APIP: variants seen among roughly 807,000 people sequenced by gnomAD.
APIP encodes the protein APAF1 interacting protein.
A neutral mutation model predicts 32.0 loss-of-function variants in APIP; 32 were observed. The ratio of observed to expected loss-of-function variants is 1.00; its 90% CI spans 0.76 to 1.34. APIP has a LOEUF of 1.34. Among genes scored for constraint, APIP ranks in the 40% most tolerant of loss-of-function variants. APIP has a pLI of 0.00. For missense variants in APIP, 247 were observed against 298.6 expected (o/e 0.83, Z 1.27); for synonymous variants, 92 against 94.8 (o/e 0.97, Z 0.17).
chr11:34,913,493 C>G (rs1418760719), intron 1 of APIP, among the ~76,000 whole-genome samples: 1 of 151,852 alleles, frequency 6.6e-6, no homozygotes. Context: ...TGTTACAGCT[C>G]TTAAAGGTGG....
intron 2 of APIP, among the ~76,000 whole-genome samples, chr11:34,892,331 T>C (rs1183693363): frequency 6.6e-6 from 1 of 152,162 alleles, no homozygotes; most frequent in Non-Finnish European, 1.5e-5. Flanking sequence ...GGAATATACT[T>C]CTCTGTACTC....
At chr11:34,884,218 T>C (rs1307656767) in intron 5 of APIP, among the ~76,000 whole-genome samples, 1 of 152,210 alleles carries the variant, frequency 6.6e-6, no homozygotes, top group Non-Finnish European at 1.5e-5. Flanking sequence ...GAATTTCTCT[T>C]GTTTTGTTAA....
intron 1 of APIP, 122 bp downstream of exon 1, chr11:34,916,106 G>C: frequency 1.6e-5 from 21 of 1,334,902 alleles, no homozygotes; most frequent in Non-Finnish European, 1.9e-5. Flanking sequence ...CGAACGGCCA[G>C]GCCCGAAACC....
intron 1 of APIP, chr11:34,896,694 A>G: frequency 9.4e-7 from 1 of 1,058,474 alleles, no homozygotes; most frequent in East Asian, 5.9e-5. Context: ...TAAGTTCTGC[A>G]CACGTATCCC....
intron 1 of APIP, among the ~76,000 whole-genome samples, chr11:34,899,011 G>T (rs1853333505): frequency 6.6e-6 from 1 of 151,862 alleles, no homozygotes; most frequent in Admixed American, 6.6e-5. Context: ...GTGTTAGCCA[G>T]GATGGTCTCA....
intron 3 of APIP, 72 bp from the exon 4 acceptor site, chr11:34,888,941 T>G: frequency 1.1e-6 from 1 of 872,484 alleles, no homozygotes; most frequent in Non-Finnish European, 1.7e-6. Context: ...CCTTTTCTTG[T>G]GTACATATAC....
At position 34,882,801 on chromosome 11, in the gene APIP, G is replaced by A; in HGVS notation, c.645C>T (p.Asp215=). The part of the protein sequence containing the change: ...EKAKTMCECY[D]YLFDIAVSMK... Reference sequence around the variant, plus strand: ...TTGATACGGCAATATCAAATAAATAGTCATAACACTCACACCTGTAAAAGA... The same window carrying A: ...TTGATACGGCAATATCAAATAAATAATCATAACACTCACACCTGTAAAAGA... The change falls in exon 7 of 7, where the codon GAC becomes GAT. Residue 215 remains aspartate, a synonymous_variant. Transcript: ENST00000395787. 1 of 1,606,120 alleles carries A rather than the reference G, an allele frequency of 6.2e-7. No homozygotes were observed. The highest frequency in any genetic ancestry group is 8.5e-7 in the Non-Finnish European group (1 of 1,174,338).
At chr11:34,886,278 C>T (rs1009899702) in intron 5 of APIP, among the ~76,000 whole-genome samples, 3 of 150,550 alleles carry the variant, frequency 2.0e-5, no homozygotes, top group Non-Finnish European at 4.4e-5. Context: ...TACTCCTAGG[C>T]TAATATATGT....
At chr11:34,914,582 C>T (rs1397866648) in intron 1 of APIP, among the ~76,000 whole-genome samples, 1 of 152,152 alleles carries the variant, frequency 6.6e-6, no homozygotes, top group Non-Finnish European at 1.5e-5. Context: ...CTGTGGTAAC[C>T]TGGCCAGCAC....
intron 1 of APIP, 137 bp from the exon 2 acceptor site, chr11:34,895,247 C>A: frequency 2.8e-6 from 2 of 711,588 alleles, no homozygotes. Flanking sequence ...AAGGAAAAAA[C>A]TATTACAAAC....
intron 2 of APIP, among the ~76,000 whole-genome samples, chr11:34,892,452 A>C (rs1410566836): frequency 7.9e-5 from 12 of 152,168 alleles, no homozygotes; most frequent in Admixed American, 5.2e-4. Context: ...AATAATTTAA[A>C]TCTTATAGTG....
At chr11:34,912,971 T>C (rs1481943736) in intron 1 of APIP, among the ~76,000 whole-genome samples, 3 of 152,316 alleles carry the variant, frequency 2.0e-5, no homozygotes, top group South Asian at 2.1e-4. Flanking sequence ...CTTCCTCCTG[T>C]ATTCTCTTTC....
intron 5 of APIP, among the ~76,000 whole-genome samples, 197 bp from the exon 6 acceptor site, chr11:34,883,701 T>G (rs999230494): frequency 2.0e-5 from 3 of 152,202 alleles, no homozygotes; most frequent in African/African-American, 7.2e-5. Context: ...CTTGGGAATG[T>G]GGCAGGCTTG....
intron 5 of APIP, among the ~76,000 whole-genome samples, chr11:34,887,377 C>T (rs912891075): frequency 2.6e-5 from 4 of 152,166 alleles, no homozygotes; most frequent in African/African-American, 9.7e-5. Context: ...TGGGGCTCTA[C>T]TTTCCTCAGT....
chr11:34,906,011 C>A (rs1176443771), intron 1 of APIP, among the ~76,000 whole-genome samples: 1 of 152,140 alleles, frequency 6.6e-6, no homozygotes, highest in African/African-American at 2.4e-5. Flanking sequence ...ATGTCGAATT[C>A]CAAATGGCAT....
Position 34,906,575 on chromosome 11 carries a change from C to G in APIP, c.57+9653G>C, listed in dbSNP as rs548523348. 2.0e-5 allele frequency among the ~76,000 whole-genome samples: 3 copies of G among 152,254 alleles called. No homozygotes were observed. In the East Asian group the frequency reaches 5.8e-4, roughly 29 times the overall value. On this transcript the variant is annotated intron_variant, in intron 1 of 6. Transcript: ENST00000395787. ...GGCAACTGTAGGTACCATAGAGGCA[C>G]GACAGCAATCTACAGACTCTTTCAC...
intron 1 of APIP, among the ~76,000 whole-genome samples, chr11:34,910,289 A>G (rs1853525502): frequency 6.6e-6 from 1 of 152,240 alleles, no homozygotes; most frequent in South Asian, 2.1e-4. Flanking sequence ...AACTGTTTCA[A>G]TAGACTGGGT....
At chr11:34,905,544 C>G (rs1488023643) in intron 1 of APIP, among the ~76,000 whole-genome samples, 1 of 152,202 alleles carries the variant, frequency 6.6e-6, no homozygotes, top group African/African-American at 2.4e-5. Flanking sequence ...TGAGTAACAG[C>G]AAATGCCTCT....
chr11:34,898,948 G>A (rs542916205), intron 1 of APIP, among the ~76,000 whole-genome samples: 4 of 152,024 alleles, frequency 2.6e-5, no homozygotes, highest in East Asian at 1.9e-4. Context: ...ACAGGCGCCC[G>A]CCACCGCGCC....
Sources: allele counts gnomAD v4.1 joint callset (sites outside exome capture counted in the v4.1 genomes callset), GRCh38; gene constraint gnomAD v4.1.1; transcripts MANE v1.5; gene names NCBI Gene and HGNC (gene_info 2026-07-23, HGNC 2026-07-21).